Variants in PRAMEF20 observed in about 807,000 individuals in gnomAD.
PRAMEF20 encodes PRAME family member 20/21.
In PRAMEF20, 27 loss-of-function variants were observed where a neutral mutation model predicts 32.4. That is an observed-to-expected ratio of 0.83 (90% CI 0.61 to 1.15). PRAMEF20 has a LOEUF of 1.15. Ranked by LOEUF, PRAMEF20 falls within the 50% of genes most tolerant of loss-of-function variation. The pLI, the probability that PRAMEF20 is intolerant of heterozygous loss-of-function variation, is 0.00. For synonymous variants in PRAMEF20, 256 were observed against 235.4 expected (o/e 1.09, Z -0.80); for missense variants, 604 against 584.5 (o/e 1.03, Z -0.34).
intron 1 of PRAMEF20, among the ~76,000 whole-genome samples, chr1:13,417,811 A>G (rs1245699951): frequency 1.9e-4 from 27 of 139,014 alleles, no homozygotes; most frequent in African/African-American, 5.1e-4. Flanking sequence ...GCGCGATCTC[A>G]GCTCACTGCA....
chr1:13,417,835 G>A lies in PRAMEF20; in HGVS notation c.288-287G>A, dbSNP rs1310219755. Among the ~76,000 whole-genome samples the A allele has an allele frequency of 6.5e-3, 960 of 148,628 alleles. 11 individuals are homozygous for A. Among genetic ancestry groups the A allele is most frequent in the African/African-American group, 0.022 (872 of 40,540 alleles). On this transcript the variant is annotated intron_variant, in intron 1 of 2. Coordinates refer to ENST00000602960, the Ensembl canonical transcript of PRAMEF20. ...CAGCTCACTGCAAGCTCCGCCTCCC[G>A]GGTTCACATTATTCTCCTGCCTCAG... is the stretch of plus-strand genomic sequence containing the variant.
At chr1:13,418,076 A>G in intron 1 of PRAMEF20, 46 bp from the exon 3 acceptor site, 1 of 1,611,770 alleles carries the variant, frequency 6.2e-7, no homozygotes, top group Non-Finnish European at 8.5e-7. Context: ...GCCCAGCCTC[A>G]GAAGTGAGTC....
upstream of PRAMEF20, among the ~76,000 whole-genome samples, chr1:13,413,076 C>G (rs997024847): frequency 9.2e-5 from 14 of 152,170 alleles, no homozygotes; most frequent in Non-Finnish European, 1.6e-4. Flanking sequence ...GACCAAGGAT[C>G]CCTCAACAAA....
At chr1:13,420,855 T>C in exon 3 of PRAMEF20, 1 of 1,613,904 alleles carries the variant, frequency 6.2e-7, no homozygotes, top group Non-Finnish European at 8.5e-7. Flanking sequence ...CCGCTCCAAG[T>C]TCTCCTAGAA....
exon 3 of PRAMEF20, chr1:13,421,188 G>C: frequency 6.2e-7 from 1 of 1,613,948 alleles, no homozygotes. Flanking sequence ...ATCTTGTTCT[G>C]TACCGACTAC....
upstream of PRAMEF20, among the ~76,000 whole-genome samples, chr1:13,414,048 ATTTG>A (rs1382864139): frequency 4.6e-5 from 7 of 151,448 alleles, no homozygotes; most frequent in South Asian, 6.3e-4. Context: ...TTTTTTGTTT[ATTTG>A]TTTGTTTGAG....
At chr1:13,415,681 T>G (rs1359232174), upstream of PRAMEF20, among the ~76,000 whole-genome samples, 2 of 151,834 alleles carry the variant, frequency 1.3e-5, no homozygotes, top group Non-Finnish European at 2.9e-5. Flanking sequence ...TCCCAGCTAC[T>G]TGGGAGGCTG....
exon 1 of PRAMEF20, chr1:13,416,604 G>A: frequency 6.2e-7 from 1 of 1,614,188 alleles, no homozygotes; most frequent in Non-Finnish European, 8.5e-7. Flanking sequence ...TGTGCTCGAT[G>A]GGCTTGATGC....
chr1:13,411,288 C>A, the PRAMEF20 span, among the ~76,000 whole-genome samples: 2 of 152,188 alleles, frequency 1.3e-5, no homozygotes, highest in African/African-American at 4.8e-5. Flanking sequence ...GTGCTCACAC[C>A]ACTGCTGTAC....
chr1:13,412,899 G>C (rs1454339362), upstream of PRAMEF20, among the ~76,000 whole-genome samples: 1 of 150,760 alleles, frequency 6.6e-6, no homozygotes, highest in Non-Finnish European at 1.5e-5. Flanking sequence ...ACTCCAGCCT[G>C]GGCTAGGAAA....
At chr1:13,419,981 T>C (rs1363975935) in intron 2 of PRAMEF20, among the ~76,000 whole-genome samples, 4 of 152,094 alleles carry the variant, frequency 2.6e-5, no homozygotes, top group Non-Finnish European at 5.9e-5. Flanking sequence ...AAGTGATAGA[T>C]GGTTTGCTGA....
intron 2 of PRAMEF20, 104 bp from the exon 4 acceptor site, chr1:13,420,593 G>A (rs1465681009): frequency 3.3e-6 from 5 of 1,515,152 alleles, no homozygotes; most frequent in Non-Finnish European, 4.6e-6. Context: ...ATGACCCTGG[G>A]CTTGGGCAAA....
At chr1:13,413,368 T>C (rs1641132366), upstream of PRAMEF20, among the ~76,000 whole-genome samples, 1 of 152,022 alleles carries the variant, frequency 6.6e-6, no homozygotes, top group Non-Finnish European at 1.5e-5. Flanking sequence ...GTTGTTGTTG[T>C]TTTTGTTTTT....
At chr1:13,416,678 G>C in intron 1 of PRAMEF20, 37 bp downstream of exon 2, 1 of 1,613,662 alleles carries the variant, frequency 6.2e-7, no homozygotes, top group Non-Finnish European at 8.5e-7. Context: ...GGAGGGCCCA[G>C]GTGTCCAACA....
At chr1:13,421,121 G>T in exon 3 of PRAMEF20, 1 of 1,613,920 alleles carries the variant, frequency 6.2e-7, no homozygotes. Context: ...GAGCAGATTT[G>T]CCCAACTTGG....
intron 2 of PRAMEF20, among the ~76,000 whole-genome samples, chr1:13,420,085 A>G (rs984415912): frequency 8.5e-5 from 13 of 152,104 alleles, no homozygotes; most frequent in East Asian, 1.9e-4. Context: ...TGCATCCCCA[A>G]TGGTCTCATG....
exon 1 of PRAMEF20, chr1:13,416,638 T>C (rs778688790): frequency 6.2e-7 from 1 of 1,614,036 alleles, no homozygotes; most frequent in Non-Finnish European, 8.5e-7. Context: ...AGGGTTCGTC[T>C]CAGGTGAGGT....
rs1002950741 is a variant in PRAMEF20 at position 13,420,591 on chromosome 1, G to A, written c.867-106G>A. On this transcript the variant is annotated intron_variant, in intron 2 of 2. Coordinates refer to ENST00000602960, the Ensembl canonical transcript of PRAMEF20. ...ACTATCAGACAATCAGAATGACCCT[G>A]GGCTTGGGCAAAATGGTCTCCATCC... is the stretch of plus-strand genomic sequence containing the variant. 6.0e-4 allele frequency: 900 copies of A among 1,489,584 alleles called. 5 individuals carry two copies. The African/African-American group carries it at 0.01, about 17-fold the overall frequency. 92.3% of individuals were successfully genotyped at this position (1,489,584 alleles called of 1,614,324 possible). A position where few individuals can be genotyped will look rare whatever the true frequency, so the allele number is the denominator to read the frequency against.
At chr1:13,418,604 C>T in exon 2 of PRAMEF20, 3 of 1,613,934 alleles carry the variant, frequency 1.9e-6, no homozygotes, top group Non-Finnish European at 2.5e-6. Flanking sequence ...GAGTTTGTTA[C>T]CCAGTTCACC....
Sources: allele counts gnomAD v4.1 joint callset (sites outside exome capture counted in the v4.1 genomes callset), GRCh38; gene constraint gnomAD v4.1.1; transcripts MANE v1.5; gene names NCBI Gene and HGNC (gene_info 2026-07-23, HGNC 2026-07-21).